Variants in PRUNE2 observed in about 807,000 individuals in gnomAD.
PRUNE2 encodes the protein protein prune homolog 2.
PRUNE2 carries 164 observed loss-of-function variants against 252.0 expected under a neutral mutation model. The observed-to-expected ratio is 0.65, with a 90% confidence interval of 0.57 to 0.74. The LOEUF is 0.74. PRUNE2 is among the 30% of genes least tolerant of loss of function. The pLI is 0.00. For synonymous variants in PRUNE2, 1,292 were observed against 1,350.2 expected, an observed-to-expected ratio of 0.96 and a Z score of 0.94; for missense variants, 3,495 against 3,711.0, an observed-to-expected ratio of 0.94 and a Z score of 1.51.
intron 6 of PRUNE2, among the ~76,000 whole-genome samples, chr9:76,802,816 G>C (rs1376699269): frequency 6.6e-6 from 1 of 152,078 alleles, no homozygotes; most frequent in African/African-American, 2.4e-5. Context: ...CTCTTTCAAA[G>C]AGTAAAGGTT....
chr9:76,717,779 T>A (rs1385002140), intron 6 of PRUNE2, among the ~76,000 whole-genome samples: 1 of 152,188 alleles, frequency 6.6e-6, no homozygotes. Context: ...AACTGGGAAT[T>A]GGCTGGCAAA....
At chr9:76,903,696 T>C (rs2063315538) in intron 1 of PRUNE2, among the ~76,000 whole-genome samples, 1 of 152,220 alleles carries the variant, frequency 6.6e-6, no homozygotes, top group African/African-American at 2.4e-5. Flanking sequence ...CAAGTGATTC[T>C]CCTGCCTCTG....
intron 4 of PRUNE2, among the ~76,000 whole-genome samples, chr9:76,827,171 T>C (rs1018247351): frequency 6.6e-6 from 1 of 152,208 alleles, no homozygotes; most frequent in South Asian, 2.1e-4. Context: ...TAATTTTACA[T>C]ACAAACTTCT....
At chr9:76,669,657 C>T (rs964851484) in intron 9 of PRUNE2, among the ~76,000 whole-genome samples, 1 of 152,194 alleles carries the variant, frequency 6.6e-6, no homozygotes, top group African/African-American at 2.4e-5. Context: ...AGGATCAGGG[C>T]AGACCCACAG....
intron 5 of PRUNE2, among the ~76,000 whole-genome samples, chr9:76,824,680 G>T (rs536598612): frequency 2.0e-4 from 30 of 152,208 alleles, no homozygotes; most frequent in Admixed American, 1.5e-3. Flanking sequence ...CTACTCTCTT[G>T]GGAGGAAGAT....
chr9:76,864,091 C>T (rs779949138), intron 1 of PRUNE2, among the ~76,000 whole-genome samples: 12 of 152,122 alleles, frequency 7.9e-5, no homozygotes, highest in Admixed American at 2.0e-4. Flanking sequence ...TACAAACACA[C>T]CATGGAATGC....
chr9:76,694,655 T>C (rs112531509), intron 9 of PRUNE2, among the ~76,000 whole-genome samples: 2,052 of 152,352 alleles, frequency 0.013, 41 homozygotes, highest in African/African-American at 0.046. Flanking sequence ...CTTTTTGTCT[T>C]GCAAGATGTT....
intron 6 of PRUNE2, among the ~76,000 whole-genome samples, chr9:76,772,121 C>A (rs1383797481): frequency 2.0e-5 from 3 of 152,150 alleles, no homozygotes; most frequent in Admixed American, 6.5e-5. Flanking sequence ...GCCACCCTTC[C>A]GCCCTTGTAA....
chr9:76,688,355 TGCTGCCCAAGTCG>T (rs963435766), intron 9 of PRUNE2, among the ~76,000 whole-genome samples: 6 of 152,232 alleles, frequency 3.9e-5, no homozygotes, highest in African/African-American at 1.4e-4. Flanking sequence ...CAGTAAGTGT[TGCTGCCCAAGTCG>T]GCTCTGTCTT....
At chr9:76,843,720 T>C (rs532538285) in intron 4 of PRUNE2, among the ~76,000 whole-genome samples, 1 of 142,424 alleles carries the variant, frequency 7.0e-6, no homozygotes, top group African/African-American at 2.8e-5. Flanking sequence ...TTTGACTTGA[T>C]TCCTCTTTTT....
At position 76,854,286 on chromosome 9, in the gene PRUNE2, A is replaced by C. The variant is rs958512492; in HGVS notation, c.37-78T>G. On this transcript the variant is annotated intron_variant, in intron 1 of 18. Transcript: ENST00000376718. ...AAACATATTTTTAATATTTTAAAAA[A>C]GTATGCCTTATCCATATTGATACAC... 22 of 716,872 alleles carry C rather than the reference A, an allele frequency of 3.1e-5. No homozygotes were observed. The African/African-American group carries it at 3.9e-4, about 13-fold the overall frequency. 44.4% of individuals were successfully genotyped at this position (716,872 alleles called of 1,614,324 possible).
At chr9:76,676,592 C>T (rs1426222631) in intron 9 of PRUNE2, among the ~76,000 whole-genome samples, 1 of 152,074 alleles carries the variant, frequency 6.6e-6, no homozygotes, top group Non-Finnish European at 1.5e-5. Context: ...GATTCACTTA[C>T]TTTTCTGTGT....
chr9:76,766,821 G>T (rs541687934), intron 6 of PRUNE2, among the ~76,000 whole-genome samples: 19 of 152,040 alleles, frequency 1.2e-4, no homozygotes, highest in African/African-American at 4.1e-4. Context: ...TCTCTGTGAG[G>T]GCTTTCTCTC....
At chr9:76,697,498 A>G (rs1218252756) in intron 9 of PRUNE2, among the ~76,000 whole-genome samples, 3 of 152,182 alleles carry the variant, frequency 2.0e-5, no homozygotes. Flanking sequence ...CCACCGTGGG[A>G]GCAAATATTT....
chr9:76,712,271 A>T (rs1422175060), intron 7 of PRUNE2, among the ~76,000 whole-genome samples: 1 of 152,172 alleles, frequency 6.6e-6, no homozygotes, highest in African/African-American at 2.4e-5. Context: ...TATTTTACCC[A>T]TGAAGAAATG....
intron 1 of PRUNE2, among the ~76,000 whole-genome samples, chr9:76,865,812 C>CACAT (rs2132924746): frequency 6.9e-6 from 1 of 145,310 alleles, no homozygotes; most frequent in Non-Finnish European, 1.5e-5. Context: ...TCCCTACACA[C>CACAT]ACACACACAC....
At chr9:76,658,959 C>T (rs1850262304) in intron 9 of PRUNE2, among the ~76,000 whole-genome samples, 1 of 152,210 alleles carries the variant, frequency 6.6e-6, no homozygotes, top group African/African-American at 2.4e-5. Context: ...AGCCACATGA[C>T]TTGCTTTGGC....
chr9:76,804,170 G>A (rs1256475742), intron 6 of PRUNE2, among the ~76,000 whole-genome samples: 2 of 152,226 alleles, frequency 1.3e-5, no homozygotes, highest in African/African-American at 2.4e-5. Context: ...CCACTGTGAC[G>A]CCAGCTAGTC....
chr9:76,615,663 G>T (rs572774305), intron 18 of PRUNE2, among the ~76,000 whole-genome samples: 1 of 151,660 alleles, frequency 6.6e-6, no homozygotes, highest in South Asian at 2.1e-4. Flanking sequence ...TAATGAATAA[G>T]TCTAAAGCAT....
Sources: gnomAD v4.1 joint callset for allele counts (sites outside exome capture counted in the v4.1 genomes callset) on GRCh38, gnomAD v4.1.1 for gene constraint, MANE v1.5 for transcripts, NCBI Gene and HGNC (gene_info 2026-07-23, HGNC 2026-07-21) for gene names.